NALCN: variants seen among roughly 807,000 people sequenced by gnomAD.
The protein encoded by NALCN is sodium leak channel, non-selective, also known as sodium leak channel NALCN.
A neutral mutation model predicts 225.3 loss-of-function variants in NALCN; 111 were observed. That is an observed-to-expected ratio of 0.49 (90% CI 0.42 to 0.58). The LOEUF (loss-of-function observed/expected upper bound fraction) is 0.58. Ranked by LOEUF, NALCN falls within the 20% of genes least tolerant of loss-of-function variation. The probability of loss-of-function intolerance (pLI) is 0.00; values close to 1 mark genes in which losing one functional copy is unlikely to be tolerated. For missense variants in NALCN, 1,378 were observed against 2,202.4 expected (o/e 0.63, Z 7.49); for synonymous variants, 764 against 769.0 (o/e 0.99, Z 0.11).
chr13:101,366,581 C>A (rs1215824136), intron 6 of NALCN, among the ~76,000 whole-genome samples: 1 of 152,016 alleles, frequency 6.6e-6, no homozygotes, highest in Admixed American at 6.6e-5. Flanking sequence ...GAAAACACAG[C>A]CATCATACCT....
intron 4 of NALCN, among the ~76,000 whole-genome samples, chr13:101,378,002 T>C (rs1415415108): frequency 6.6e-6 from 1 of 152,144 alleles, no homozygotes; most frequent in Non-Finnish European, 1.5e-5. Context: ...ATATTTGCAA[T>C]ATAGTATTTT....
At chr13:101,326,747 C>T (rs1019482220) in intron 7 of NALCN, among the ~76,000 whole-genome samples, 3 of 152,130 alleles carry the variant, frequency 2.0e-5, no homozygotes, top group Non-Finnish European at 2.9e-5. Context: ...TTTATTGGCC[C>T]GTGGTTCTGC....
Position 101,089,574 on chromosome 13 carries a change from T to A in NALCN, c.3489+89A>T. The A allele has an allele frequency of 1.7e-6, 2 of 1,168,582 alleles. No homozygotes were observed. Among genetic ancestry groups the A allele is most frequent in the Non-Finnish European group, 2.5e-6 (2 of 802,438 alleles). 72.4% of individuals were successfully genotyped at this position (1,168,582 alleles called of 1,614,324 possible). ...CAGTCACATTACAGTTTAAAGCGGC[T>A]TCACGCCGCGTGTGAAAAGAAACAA... is the stretch of plus-strand genomic sequence containing the variant. On this transcript the variant is annotated intron_variant, in intron 30 of 43. Coordinates refer to ENST00000251127, the MANE Select transcript of NALCN (RefSeq NM_052867.4). The surrounding 1 kb of genome is among the most constrained non-coding windows in gnomAD (Gnocchi z 4.7).
chr13:101,264,738 A>G (rs522342), intron 10 of NALCN, among the ~76,000 whole-genome samples: 131,687 of 152,232 alleles, frequency 0.87, 59,772 homozygotes, highest in Non-Finnish European at 0.99. Flanking sequence ...TGACTAGAAT[A>G]GAATACCACA....
chr13:101,172,135 A>G (rs1277381095), intron 15 of NALCN, among the ~76,000 whole-genome samples: 1 of 152,152 alleles, frequency 6.6e-6, no homozygotes, highest in Non-Finnish European at 1.5e-5. Flanking sequence ...CCTCTGATGC[A>G]CACGGAGGTT....
At chr13:101,361,483 A>G (rs1189487750) in intron 6 of NALCN, among the ~76,000 whole-genome samples, 3 of 152,230 alleles carry the variant, frequency 2.0e-5, no homozygotes, top group East Asian at 3.9e-4. Flanking sequence ...GGAAAACTAA[A>G]TATTTTATTC....
chr13:101,229,730 A>G, intron 12 of NALCN, 146 bp from the exon 13 acceptor site: 1 of 633,586 alleles, frequency 1.6e-6, no homozygotes, highest in Non-Finnish European at 2.4e-6. Context: ...TAAAATTAAC[A>G]ATAGAATAAC....
At chr13:101,224,200 C>A (rs554449334) in intron 13 of NALCN, among the ~76,000 whole-genome samples, 1 of 152,302 alleles carries the variant, frequency 6.6e-6, no homozygotes, top group Non-Finnish European at 1.5e-5. Flanking sequence ...TCACCTAAAT[C>A]CTGGAGGAAA....
At chr13:101,402,813 C>T (rs2047513423) in intron 1 of NALCN, among the ~76,000 whole-genome samples, 1 of 152,196 alleles carries the variant, frequency 6.6e-6, no homozygotes, top group African/African-American at 2.4e-5. Flanking sequence ...AGCCAGGCAT[C>T]CTGCTTTTCT....
intron 3 of NALCN, among the ~76,000 whole-genome samples, chr13:101,388,104 T>G (rs1302601880): frequency 1.3e-5 from 2 of 152,146 alleles, no homozygotes; most frequent in African/African-American, 4.8e-5. Flanking sequence ...ATGACAGTAC[T>G]TACTGATATA....
intron 37 of NALCN, among the ~76,000 whole-genome samples, chr13:101,073,055 G>A (rs559227470): frequency 6.6e-6 from 1 of 152,336 alleles, no homozygotes; most frequent in African/African-American, 2.4e-5. Flanking sequence ...GTAGCTGGCT[G>A]TCTTAGCTTA....
chr13:101,239,565 A>G (rs559137029), intron 11 of NALCN, among the ~76,000 whole-genome samples: 1 of 152,156 alleles, frequency 6.6e-6, no homozygotes, highest in East Asian at 1.9e-4. Context: ...TATCAGCTGC[A>G]TAATTTCCCA....
At chr13:101,338,791 T>G (rs1006916250) in intron 7 of NALCN, among the ~76,000 whole-genome samples, 2 of 152,226 alleles carry the variant, frequency 1.3e-5, no homozygotes, top group Non-Finnish European at 2.9e-5. Context: ...TTGCAAATTG[T>G]TTTTGAATTT....
At chr13:101,069,302 C>T (rs1461564422) in intron 37 of NALCN, among the ~76,000 whole-genome samples, 2 of 152,252 alleles carry the variant, frequency 1.3e-5, no homozygotes, top group Non-Finnish European at 2.9e-5. Flanking sequence ...CAATAAAGTC[C>T]TATGCATGTT....
At chr13:101,313,581 A>G in intron 7 of NALCN, among the ~76,000 whole-genome samples, 1 of 152,140 alleles carries the variant, frequency 6.6e-6, no homozygotes, top group East Asian at 1.9e-4. Context: ...AATGCTCATC[A>G]TCACTGGCCA....
chr13:101,378,925 C>T (rs1378029597), intron 3 of NALCN, among the ~76,000 whole-genome samples: 1 of 151,804 alleles, frequency 6.6e-6, no homozygotes, highest in Non-Finnish European at 1.5e-5. Flanking sequence ...CACACAAATT[C>T]TAACACTTAA....
chr13:101,327,150 C>T (rs910897947), intron 7 of NALCN, among the ~76,000 whole-genome samples: 2 of 151,910 alleles, frequency 1.3e-5, no homozygotes, highest in Non-Finnish European at 2.9e-5. Flanking sequence ...AGAGAAGCGA[C>T]GATTCTTACT....
intron 10 of NALCN, among the ~76,000 whole-genome samples, chr13:101,274,006 T>C (rs997244496): frequency 1.3e-5 from 2 of 151,848 alleles, no homozygotes; most frequent in Admixed American, 1.3e-4. Flanking sequence ...TTTCGTGTCA[T>C]CTGGTGTAAA....
At chr13:101,364,097 G>C (rs1315329885) in intron 6 of NALCN, among the ~76,000 whole-genome samples, 1 of 152,096 alleles carries the variant, frequency 6.6e-6, no homozygotes, top group Non-Finnish European at 1.5e-5. Flanking sequence ...AGAATGTAGA[G>C]AAACAGGAAC....
Sources: allele counts gnomAD v4.1 joint callset (sites outside exome capture counted in the v4.1 genomes callset), GRCh38; gene constraint gnomAD v4.1.1; non-coding constraint Gnocchi (gnomAD v3.1); transcripts MANE v1.5; gene names NCBI Gene and HGNC (gene_info 2026-07-23, HGNC 2026-07-21).